Variants in PDE4D observed in about 807,000 individuals in gnomAD.
PDE4D encodes 3',5'-cyclic-AMP phosphodiesterase 4D.
Under a neutral mutation model 87.4 loss-of-function variants are expected in PDE4D, and 24 were observed. The ratio of observed to expected loss-of-function variants is 0.27; its 90% CI spans 0.20 to 0.39. The LOEUF (loss-of-function observed/expected upper bound fraction) is 0.39, where lower values mean the gene tolerates loss of function less well. Among genes scored for constraint, PDE4D ranks in the 10% least tolerant of loss-of-function variants. PDE4D has a pLI of 1.00. For synonymous variants in PDE4D, 384 were observed against 383.2 expected (o/e 1.00, Z -0.02); for missense variants, 714 against 1,041.0 (o/e 0.69, Z 4.32).
intron 1 of PDE4D, among the ~76,000 whole-genome samples, chr5:60,394,103 C>T (rs1762726931): frequency 6.6e-6 from 1 of 152,178 alleles, no homozygotes; most frequent in Non-Finnish European, 1.5e-5. Context: ...ATCTTATTTA[C>T]ATGAATTCAA....
chr5:59,350,080 CA>C (rs1780268644), intron 1 of PDE4D, among the ~76,000 whole-genome samples: 1 of 152,106 alleles, frequency 6.6e-6, no homozygotes. Context: ...TACTTCCTTA[CA>C]AAAACCCTAT....
chr5:59,562,264 T>G (rs1480654813), intron 1 of PDE4D, among the ~76,000 whole-genome samples: 1 of 152,200 alleles, frequency 6.6e-6, no homozygotes, highest in East Asian at 1.9e-4. Flanking sequence ...AATTTCATAT[T>G]CCTATCACAA....
rs114945651 is a variant in PDE4D at position 59,550,502 on chromosome 5, C to T, written c.456-334534G>A. The stretch of plus-strand genomic sequence containing the variant: ...AAGAATGTCCTGACTTTAGTCAATA[C>T]GCTGAATTTGTTATCATCTAGTTTT... On this transcript the variant is annotated intron_variant, in intron 1 of 14. Transcript: ENST00000340635. 3.8e-3 allele frequency among the ~76,000 whole-genome samples: 580 copies of T among 152,162 alleles called. 7 individuals are homozygous for T. The highest frequency in any genetic ancestry group is 0.013 in the African/African-American group (543 of 41,526).
intron 1 of PDE4D, among the ~76,000 whole-genome samples, chr5:60,290,156 C>G (rs938121686): frequency 6.6e-6 from 1 of 152,082 alleles, no homozygotes; most frequent in Non-Finnish European, 1.5e-5. Context: ...ATCTGACCAG[C>G]CATTCATATA....
intron 1 of PDE4D, among the ~76,000 whole-genome samples, chr5:59,498,343 G>T (rs547542113): frequency 6.1e-4 from 92 of 150,774 alleles, no homozygotes; most frequent in Non-Finnish European, 7.3e-4. Context: ...CTTTTGCATA[G>T]TCAAAATTAA....
intron 1 of PDE4D, among the ~76,000 whole-genome samples, chr5:59,331,918 T>C (rs1776793353): frequency 6.6e-6 from 1 of 152,230 alleles, no homozygotes; most frequent in Non-Finnish European, 1.5e-5. Context: ...TTTCTCAGTC[T>C]GAGATATGTT....
At chr5:60,071,514 ATAT>A (rs1732781288) in intron 2 of PDE4D, among the ~76,000 whole-genome samples, 1 of 152,120 alleles carries the variant, frequency 6.6e-6, no homozygotes, top group Non-Finnish European at 1.5e-5. Context: ...TTTTTCACAA[ATAT>A]TATTCAAAAG....
chr5:59,439,357 C>CAAAAA (rs3061710), intron 1 of PDE4D, among the ~76,000 whole-genome samples: 4 of 72,564 alleles, frequency 5.5e-5, no homozygotes, highest in Non-Finnish European at 6.2e-5. Context: ...AAGACTCTGT[C>CAAAAA]AAAAAAAAAA....
intron 1 of PDE4D, among the ~76,000 whole-genome samples, chr5:59,658,852 G>A (rs1441544055): frequency 6.6e-6 from 1 of 151,954 alleles, no homozygotes; most frequent in Non-Finnish European, 1.5e-5. Flanking sequence ...TTCAAGAAAA[G>A]TTTCAGCCAA....
chr5:59,468,734 C>T (rs769164868), intron 1 of PDE4D, among the ~76,000 whole-genome samples: 6 of 152,176 alleles, frequency 3.9e-5, no homozygotes, highest in African/African-American at 1.2e-4. Context: ...TAATCCATCA[C>T]GTCTCTGTCC....
At chr5:59,019,087 G>C (rs907829361) in intron 6 of PDE4D, among the ~76,000 whole-genome samples, 1 of 151,838 alleles carries the variant, frequency 6.6e-6, no homozygotes. Flanking sequence ...TACCCAACTG[G>C]CTTCTCTTCA....
chr5:59,587,545 C>T (rs1026303328), intron 1 of PDE4D: 2 of 985,320 alleles, frequency 2.0e-6, no homozygotes, highest in African/African-American at 3.5e-5. Context: ...TCGCAGCCGC[C>T]TTGTCTGCCC....
chr5:59,225,625 A>C (rs867283205), intron 1 of PDE4D, among the ~76,000 whole-genome samples: 3 of 152,230 alleles, frequency 2.0e-5, no homozygotes, highest in African/African-American at 7.2e-5. Context: ...AGCATAAGCA[A>C]AAAAAGCAAA....
chr5:59,804,431 A>G (rs1408051124), intron 1 of PDE4D, among the ~76,000 whole-genome samples: 1 of 152,236 alleles, frequency 6.6e-6, no homozygotes, highest in African/African-American at 2.4e-5. Flanking sequence ...GTCGATGGGC[A>G]ACAAGTTTGG....
chr5:60,477,812 G>C (rs1748444853), intron 1 of PDE4D, among the ~76,000 whole-genome samples: 1 of 152,188 alleles, frequency 6.6e-6, no homozygotes, highest in African/African-American at 2.4e-5. Flanking sequence ...TAGCCTGTTG[G>C]AGGGATATGA....
At chr5:59,697,105 C>G (rs1044915415) in intron 1 of PDE4D, among the ~76,000 whole-genome samples, 2 of 152,054 alleles carry the variant, frequency 1.3e-5, no homozygotes, top group Admixed American at 1.3e-4. Flanking sequence ...AATAAGAAAG[C>G]CTTCCTGATG....
At chr5:60,519,571 G>A (rs1278496372) in intron 1 of PDE4D, among the ~76,000 whole-genome samples, 1 of 152,130 alleles carries the variant, frequency 6.6e-6, no homozygotes, top group African/African-American at 2.4e-5. Flanking sequence ...TATTTTCATA[G>A]TGTACATGAC....
chr5:60,294,004 T>C (rs1259314004), intron 1 of PDE4D, among the ~76,000 whole-genome samples: 3 of 152,226 alleles, frequency 2.0e-5, no homozygotes, highest in Non-Finnish European at 4.4e-5. Flanking sequence ...TTTTATTATC[T>C]GCAAAACATT....
At position 59,234,764 on chromosome 5, in the gene PDE4D, A is replaced by G. The variant is rs975328810; in HGVS notation, c.456-18796T>C. On this transcript the variant is annotated intron_variant, in intron 1 of 14. Transcript: ENST00000340635. ...AAAAGGATAGATGTCAGTTTTTTAA[A>G]CTTGGGGGAAAAAAGAACCCAAACA... is the stretch of plus-strand genomic sequence containing the variant. Among the ~76,000 whole-genome samples, 35 of 152,180 alleles carry G rather than the reference A, an allele frequency of 2.3e-4. 2 individuals are homozygous for G. The highest frequency in any genetic ancestry group is 2.9e-5 in the Non-Finnish European group (2 of 68,024).
Sources: gnomAD v4.1 joint callset for allele counts (sites outside exome capture counted in the v4.1 genomes callset) on GRCh38, gnomAD v4.1.1 for gene constraint, MANE v1.5 for transcripts, NCBI Gene and HGNC (gene_info 2026-07-23, HGNC 2026-07-21) for gene names.